ZNF366: variants seen among roughly 807,000 people sequenced by gnomAD.
ZNF366 encodes dendritic cell-specific transcript protein.
In ZNF366, 20 loss-of-function variants were observed where a neutral mutation model predicts 47.2. The observed-to-expected ratio is 0.42, with a 90% CI of 0.30 to 0.62. The LOEUF is 0.62. ZNF366 is among the 20% of genes least tolerant of loss of function. The probability of loss-of-function intolerance (pLI) is 0.16; values close to 1 mark genes in which losing one functional copy is unlikely to be tolerated. For missense variants in ZNF366, 987 were observed against 976.3 expected (o/e 1.01, Z -0.15); for synonymous variants, 421 against 395.1 (o/e 1.07, Z -0.78).
chr5:72,486,891 C>T (rs1173574450), intron 1 of ZNF366, among the ~76,000 whole-genome samples: 1 of 152,068 alleles, frequency 6.6e-6, no homozygotes, highest in Non-Finnish European at 1.5e-5. Context: ...GATTTTCCTG[C>T]CTCAGCCTCT....
chr5:72,502,774 A>G (rs1477030219), intron 1 of ZNF366, among the ~76,000 whole-genome samples: 2 of 152,216 alleles, frequency 1.3e-5, no homozygotes, highest in Non-Finnish European at 2.9e-5. Flanking sequence ...GTTTTTCTTG[A>G]TTAACAAATA....
intron 3 of ZNF366, among the ~76,000 whole-genome samples, chr5:72,449,949 G>A (rs529971713): frequency 1.1e-4 from 17 of 152,288 alleles, no homozygotes; most frequent in East Asian, 7.7e-4. Context: ...AGGCATGAAC[G>A]GGGTCTGGTG....
intron 1 of ZNF366, among the ~76,000 whole-genome samples, chr5:72,504,980 A>G (rs571405027): frequency 6.6e-6 from 1 of 152,340 alleles, no homozygotes; most frequent in South Asian, 2.1e-4. Context: ...AACAACAGAG[A>G]CTGTGCTCTA....
intron 4 of ZNF366, 88 bp from the exon 5 acceptor site, chr5:72,444,379 A>G (rs1253491935): frequency 3.0e-6 from 4 of 1,353,292 alleles, no homozygotes; most frequent in Non-Finnish European, 4.0e-6. Context: ...GGGCCGTTTA[A>G]TGTATTCCGA....
chr5:72,504,681 G>A (rs1242285235), intron 1 of ZNF366, among the ~76,000 whole-genome samples: 1 of 152,006 alleles, frequency 6.6e-6, no homozygotes, highest in African/African-American at 2.4e-5. Context: ...CAAGAATAAT[G>A]ACACAAATTA....
chr5:72,451,049 T>A (rs1743059453), intron 3 of ZNF366, among the ~76,000 whole-genome samples: 1 of 152,222 alleles, frequency 6.6e-6, no homozygotes, highest in Admixed American at 6.5e-5. Context: ...GCCATTGAAG[T>A]CAAGGTCTCC....
At chr5:72,457,139 G>A (rs562433647) in intron 2 of ZNF366, among the ~76,000 whole-genome samples, 2 of 152,260 alleles carry the variant, frequency 1.3e-5, no homozygotes, top group South Asian at 4.2e-4. Context: ...GGTCCCCTGG[G>A]TTCCCACAGG....
At chr5:72,474,088 T>C (rs566060429) in intron 1 of ZNF366, among the ~76,000 whole-genome samples, 149 of 152,340 alleles carry the variant, frequency 9.8e-4, no homozygotes, top group African/African-American at 3.5e-3. Context: ...GCAAACATTA[T>C]CATTATGGCT....
Position 72,475,698 on chromosome 5 carries a change from C to T in ZNF366, c.-14-14188G>A, listed in dbSNP as rs117462975. 6.3e-4 allele frequency among the ~76,000 whole-genome samples: 96 copies of T among 152,230 alleles called. No individual in the cohort carries two copies. The East Asian group carries it at 0.014, about 22-fold the overall frequency. ...TTGGAGTGAGGTAGTCAAAGGAGTT[C>T]TGCTATTGATTTAATAGTAGGTAAA... On this transcript the variant is annotated intron_variant, in intron 1 of 4. Coordinates refer to ENST00000318442, the MANE Select transcript of ZNF366 (RefSeq NM_152625.3).
rs1287429048 is a variant in ZNF366 at position 72,442,976 on chromosome 5, TG to T, written c.*779del. 6.6e-6 allele frequency: 1 copy of T among 152,364 alleles called. No individual in the cohort carries two copies. The highest frequency in any genetic ancestry group is 1.9e-4 in the East Asian group (1 of 5,196). The allele number at this position is 152,364 out of a possible 1,614,324, so 9.4% of individuals were successfully genotyped here. Reference sequence around the variant, plus strand: ...GCGCCCGGCCCCTGCATCTGTCTTATGGGGCATGAGGCCTCAGAGCAAGACA... The same window carrying T: ...GCGCCCGGCCCCTGCATCTGTCTTATGGGCATGAGGCCTCAGAGCAAGACA... On this transcript the variant is annotated 3_prime_UTR_variant, in exon 5 of 5. Transcript: ENST00000318442.
intron 1 of ZNF366, among the ~76,000 whole-genome samples, chr5:72,464,947 A>G (rs1048280534): frequency 1.3e-5 from 2 of 151,858 alleles, no homozygotes; most frequent in African/African-American, 4.8e-5. Flanking sequence ...AATCCCAGCT[A>G]CTTGGGAGGC....
chr5:72,461,719 G>A (rs919312124), intron 1 of ZNF366, among the ~76,000 whole-genome samples: 8 of 152,078 alleles, frequency 5.3e-5, no homozygotes, highest in Non-Finnish European at 1.2e-4. Context: ...TGGCCTCTTG[G>A]GGTGACCCTA....
At chr5:72,473,351 C>T (rs1743608574) in intron 1 of ZNF366, among the ~76,000 whole-genome samples, 1 of 152,192 alleles carries the variant, frequency 6.6e-6, no homozygotes, top group Non-Finnish European at 1.5e-5. Context: ...GAATCCTTTA[C>T]TTGGTTAAGA....
intron 3 of ZNF366, among the ~76,000 whole-genome samples, chr5:72,454,370 C>T (rs1415089223): frequency 6.6e-6 from 1 of 152,304 alleles, no homozygotes; most frequent in Admixed American, 6.5e-5. Context: ...CCCTCTAGAT[C>T]CTCAGATACT....
intron 1 of ZNF366, among the ~76,000 whole-genome samples, chr5:72,466,208 G>T (rs1743424296): frequency 6.6e-6 from 1 of 151,714 alleles, no homozygotes; most frequent in Admixed American, 6.6e-5. Context: ...AAAGGCTATG[G>T]ATAAGGCTAG....
At chr5:72,507,141 C>T in intron 1 of ZNF366, 110 bp downstream of exon 1, 4 of 832,962 alleles carry the variant, frequency 4.8e-6, no homozygotes, top group Non-Finnish European at 5.8e-6. Context: ...CACTTATACC[C>T]TTTGGTTAAG....
intron 3 of ZNF366, among the ~76,000 whole-genome samples, chr5:72,450,383 G>A (rs1168953546): frequency 1.3e-5 from 2 of 152,096 alleles, no homozygotes; most frequent in African/African-American, 4.8e-5. Flanking sequence ...TGGTGTCTGG[G>A]CTCTAAACAG....
chr5:72,486,357 T>C (rs1447943775), intron 1 of ZNF366, among the ~76,000 whole-genome samples: 2 of 152,206 alleles, frequency 1.3e-5, no homozygotes, highest in Non-Finnish European at 2.9e-5. Flanking sequence ...TTCAGGAGAC[T>C]TGGAGGCTCC....
intron 2 of ZNF366, among the ~76,000 whole-genome samples, chr5:72,459,308 G>A (rs1319815037): frequency 3.9e-5 from 6 of 152,130 alleles, no homozygotes; most frequent in South Asian, 2.1e-4. Context: ...AAAACCACTT[G>A]AGGTTAAGGG....
Sources: allele counts gnomAD v4.1 joint callset (sites outside exome capture counted in the v4.1 genomes callset), GRCh38; gene constraint gnomAD v4.1.1; transcripts MANE v1.5; gene names NCBI Gene and HGNC (gene_info 2026-07-23, HGNC 2026-07-21).